Variants in FRMD3 observed in about 807,000 individuals in gnomAD.
FRMD3 encodes FERM domain containing 3.
In FRMD3, 33 loss-of-function variants were observed where a neutral mutation model predicts 70.2. The ratio of observed to expected loss-of-function variants is 0.47; its 90% CI spans 0.36 to 0.63. FRMD3 has a LOEUF of 0.63. Among genes scored for constraint, FRMD3 ranks in the 20% least tolerant of loss-of-function variants. The probability of loss-of-function intolerance (pLI) is 0.00; values close to 1 mark genes in which losing one functional copy is unlikely to be tolerated. For synonymous variants in FRMD3, 279 were observed against 255.9 expected (o/e 1.09, Z -0.86); for missense variants, 632 against 711.4 (o/e 0.89, Z 1.27).
At chr9:83,325,408 C>A (rs535710125) in intron 6 of FRMD3, among the ~76,000 whole-genome samples, 1 of 152,254 alleles carries the variant, frequency 6.6e-6, no homozygotes, top group South Asian at 2.1e-4. Flanking sequence ...TTCACTGCAG[C>A]CTCGACCTCC....
chr9:83,389,685 G>A lies in FRMD3; in HGVS notation c.171C>T (p.Leu57=), dbSNP rs375895739. The stretch of plus-strand genomic sequence containing the variant: ...TGTAGTAGTTGCAGATGTGGTCAAT[G>A]AGAAACTGCCCTTTGGTTTCCCTCT... ...HIQRETKGQF[L]IDHICNYYSL... The change falls in exon 2 of 14, where the codon CTC becomes CTT. Residue 57 remains leucine (L), a synonymous_variant. Transcript: ENST00000304195. The A allele has an allele frequency of 9.3e-6, 15 of 1,613,682 alleles. No homozygotes were observed. Among genetic ancestry groups the A allele is most frequent in the Admixed American group, 5.0e-5 (3 of 59,984 alleles).
chr9:83,396,015 C>T (rs182154069), intron 1 of FRMD3, among the ~76,000 whole-genome samples: 6 of 152,278 alleles, frequency 3.9e-5, no homozygotes, highest in Admixed American at 2.0e-4. Flanking sequence ...ACATATTTTG[C>T]ATTTGATCTC....
the FRMD3 span, among the ~76,000 whole-genome samples, chr9:83,564,225 A>AAAT: frequency 1.8e-3 from 278 of 151,724 alleles, 1 homozygote; most frequent in South Asian, 6.0e-3. Flanking sequence ...AGCCAATTTA[A>AAAT]AATAATAATA....
chr9:83,267,328 A>G, intron 13 of FRMD3: 1 of 1,416,884 alleles, frequency 7.1e-7, no homozygotes, highest in South Asian at 1.6e-5. Flanking sequence ...AGGGGACGCT[A>G]TTTTTAAACT....
At chr9:83,477,614 G>A (rs1587892258) in intron 1 of FRMD3, among the ~76,000 whole-genome samples, 1 of 152,122 alleles carries the variant, frequency 6.6e-6, no homozygotes, top group Non-Finnish European at 1.5e-5. Flanking sequence ...CCAAATCAAG[G>A]TTCTATTACT....
chr9:83,295,430 G>A (rs1453807590), intron 12 of FRMD3, among the ~76,000 whole-genome samples: 1 of 152,174 alleles, frequency 6.6e-6, no homozygotes. Flanking sequence ...TAATGTGAAT[G>A]TATCTGTCAT....
chr9:83,273,057 G>A (rs1340080923), intron 13 of FRMD3, among the ~76,000 whole-genome samples: 2 of 150,384 alleles, frequency 1.3e-5, no homozygotes, highest in African/African-American at 4.9e-5. Flanking sequence ...AGGTGGGGGG[G>A]GGCGCCTCTG....
chr9:83,575,741 G>T, the FRMD3 span, among the ~76,000 whole-genome samples: 2 of 152,150 alleles, frequency 1.3e-5, no homozygotes, highest in Non-Finnish European at 1.5e-5. Context: ...AACAAATAAA[G>T]AGATTGAATT....
At chr9:83,265,058 A>G (rs1833177572) in intron 13 of FRMD3, among the ~76,000 whole-genome samples, 2 of 152,142 alleles carry the variant, frequency 1.3e-5, no homozygotes, top group Non-Finnish European at 2.9e-5. Context: ...CCTAAAATAT[A>G]CAGAAAGCAA....
At chr9:83,463,547 G>A (rs1014440175) in intron 1 of FRMD3, among the ~76,000 whole-genome samples, 4 of 152,090 alleles carry the variant, frequency 2.6e-5, no homozygotes, top group Non-Finnish European at 5.9e-5. Flanking sequence ...AGGGGTAAAC[G>A]CCCCCATGAT....
chr9:83,580,812 T>C, the FRMD3 span, among the ~76,000 whole-genome samples: 2 of 152,134 alleles, frequency 1.3e-5, no homozygotes, highest in African/African-American at 2.4e-5. Flanking sequence ...TGTTAACTAG[T>C]TTGATTTAAT....
In FRMD3 at chr9:83,360,254, G is replaced by C. The variant is rs186280963; in HGVS notation, c.296-10497C>G. Among the ~76,000 whole-genome samples the C allele has an allele frequency of 1.8e-3, 275 of 152,290 alleles. 2 individuals are homozygous for C. Among genetic ancestry groups the C allele is most frequent in the African/African-American group, 6.3e-3 (263 of 41,556 alleles). ...CAGACCCTTGGAGTCATGTTGATAG[G>C]TGTAAATCAATATGTAGAAATAACA... On this transcript the variant is annotated intron_variant, in intron 3 of 13. Coordinates refer to ENST00000304195, the MANE Select transcript of FRMD3 (RefSeq NM_174938.6).
At chr9:83,396,282 GT>G (rs1243148435) in intron 1 of FRMD3, among the ~76,000 whole-genome samples, 5 of 152,186 alleles carry the variant, frequency 3.3e-5, no homozygotes, top group Admixed American at 6.5e-5. Flanking sequence ...GGAGCACTGG[GT>G]TACCCACAAC....
intron 1 of FRMD3, among the ~76,000 whole-genome samples, chr9:83,394,988 G>A (rs1825772978): frequency 6.6e-6 from 1 of 152,110 alleles, no homozygotes. Flanking sequence ...GCTCATTCAT[G>A]TATCTATTAA....
Position 83,273,039 on chromosome 9 carries a change from C to T in FRMD3, c.1195+17564G>A, listed in dbSNP as rs1369354342. ...GCAGCCCCCACCCAGCCAGCTGCCC[C>T]GTCCGGGAGGTGGGGGGGGGCGCCT... On this transcript the variant is annotated intron_variant, in intron 13 of 13. Coordinates refer to ENST00000304195, the MANE Select transcript of FRMD3 (RefSeq NM_174938.6). Among the ~76,000 whole-genome samples the T allele has an allele frequency of 9.2e-5, 8 of 86,740 alleles. No homozygotes were observed. The East Asian group carries it at 1.3e-3, about 14-fold the overall frequency. The allele number at this position is 86,740 out of a possible 152,430, so 56.9% of individuals were successfully genotyped here. A position where few individuals can be genotyped will look rare whatever the true frequency, so the allele number is the denominator to read the frequency against.
At chr9:83,501,166 C>T (rs1246519425) in intron 1 of FRMD3, among the ~76,000 whole-genome samples, 1 of 152,040 alleles carries the variant, frequency 6.6e-6, no homozygotes, top group Non-Finnish European at 1.5e-5. Flanking sequence ...ACTACACTTC[C>T]TTCTGTAGTC....
chr9:83,251,327 T>C (rs1198290426), intron 13 of FRMD3, among the ~76,000 whole-genome samples: 1 of 151,338 alleles, frequency 6.6e-6, no homozygotes, highest in Non-Finnish European at 1.5e-5. Flanking sequence ...AACAACAACA[T>C]CAACAAAAAA....
intron 1 of FRMD3, among the ~76,000 whole-genome samples, chr9:83,402,891 T>A (rs554988672): frequency 7.8e-6 from 1 of 128,808 alleles, no homozygotes; most frequent in Non-Finnish European, 1.6e-5. Context: ...ATTTTCCTTC[T>A]TTCTTTCTTT....
intron 13 of FRMD3, among the ~76,000 whole-genome samples, chr9:83,270,350 C>G (rs1288522356): frequency 6.6e-6 from 1 of 152,172 alleles, no homozygotes; most frequent in Non-Finnish European, 1.5e-5. Flanking sequence ...TGTTCATGAG[C>G]CTGAATTCCA....
Sources: gnomAD v4.1 joint callset for allele counts (sites outside exome capture counted in the v4.1 genomes callset) on GRCh38, gnomAD v4.1.1 for gene constraint, MANE v1.5 for transcripts, NCBI Gene and HGNC (gene_info 2026-07-23, HGNC 2026-07-21) for gene names.